The following PTGFR variants were observed in gnomAD, a reference collection of about 807,000 sequenced individuals.
PTGFR encodes prostaglandin F receptor, also known as prostaglandin F2-alpha receptor.
PTGFR carries 15 observed loss-of-function variants against 26.2 expected under a neutral mutation model. The observed-to-expected ratio is 0.57, with a 90% CI of 0.38 to 0.88. PTGFR has a LOEUF of 0.88. PTGFR is among the 40% of genes least tolerant of loss of function. The pLI is 0.00. For synonymous variants in PTGFR, 165 were observed against 151.1 expected, an observed-to-expected ratio of 1.09 and a Z score of -0.68; for missense variants, 369 against 427.2, an observed-to-expected ratio of 0.86 and a Z score of 1.20.
chr1:78,520,155 G>T (rs925081742), intron 2 of PTGFR, among the ~76,000 whole-genome samples: 18 of 151,986 alleles, frequency 1.2e-4, no homozygotes, highest in African/African-American at 4.3e-4. Flanking sequence ...TCTGAGATAG[G>T]GGGTTTTGGA....
In PTGFR at chr1:78,540,104, G is replaced by A. The variant is rs1027328957; in HGVS notation, c.*3417G>A. On this transcript the variant is annotated 3_prime_UTR_variant, in exon 3 of 3. Coordinates refer to ENST00000370757, the MANE Select transcript of PTGFR (RefSeq NM_000959.4). The stretch of plus-strand genomic sequence containing the variant: ...TGGTTCCTGTCCACTCTGAAGGGGA[G>A]CTCTGCTGTTGTAATCACTCAGAGA... Among the ~76,000 whole-genome samples the A allele has an allele frequency of 6.6e-6, 1 of 152,166 alleles. No individual in the cohort carries two copies. The highest frequency in any genetic ancestry group is 1.5e-5 in the Non-Finnish European group (1 of 67,992).
In PTGFR at chr1:78,493,476, T is replaced by G. The variant is rs116532636; in HGVS notation, c.733T>G (p.Leu245Val). The G allele has an allele frequency of 1.9e-6, 3 of 1,592,532 alleles. No individual in the cohort carries two copies. The highest frequency in any genetic ancestry group is 1.7e-6 in the Non-Finnish European group (2 of 1,169,660). Reference protein sequence around the residue: ...QQHRQGRSHHLEMVIQLLAIM... With the variant: ...QQHRQGRSHHVEMVIQLLAIM... Reference sequence around the variant, plus strand: ...GCACAGACAAGGCAGATCTCATCATTTGGAAATGGTAATCCAGCTCCTGGC... The same window carrying G: ...GCACAGACAAGGCAGATCTCATCATGTGGAAATGGTAATCCAGCTCCTGGC... Residue 245 changes from leucine to valine, a missense_variant, in exon 2 of 3, where the codon TTG becomes GTG. Coordinates refer to ENST00000370757, the MANE Select transcript of PTGFR (RefSeq NM_000959.4).
intron 2 of PTGFR, among the ~76,000 whole-genome samples, chr1:78,503,917 G>T (rs903364713): frequency 1.3e-5 from 2 of 152,134 alleles, no homozygotes; most frequent in Non-Finnish European, 2.9e-5. Context: ...TTGCATTTAT[G>T]ACCGTGGCTG....
chr1:78,536,970 T>C lies in PTGFR; in HGVS notation c.*283T>C, dbSNP rs1267480184. 2.7e-6 allele frequency: 1 copy of C among 372,168 alleles called. No individual in the cohort carries two copies. Among genetic ancestry groups the C allele is most frequent in the Non-Finnish European group, 4.8e-6 (1 of 206,226 alleles). 23.1% of individuals were successfully genotyped at this position (372,168 alleles called of 1,614,324 possible). The stretch of plus-strand genomic sequence containing the variant: ...TTATCTGTCTTATTTATGCTTTGAG[T>C]GAATCATCTGTTGAGGTCTAATGCC... On this transcript the variant is annotated 3_prime_UTR_variant, in exon 3 of 3. Coordinates refer to ENST00000370757, the MANE Select transcript of PTGFR (RefSeq NM_000959.4).
chr1:78,498,857 T>G (rs34490913), intron 2 of PTGFR, among the ~76,000 whole-genome samples: 35,270 of 152,110 alleles, frequency 0.23, 4,313 homozygotes, highest in African/African-American at 0.29. Context: ...TTGTGAAGCG[T>G]GAGTGTCCCT....
At chr1:78,524,844 A>T (rs1051179332) in intron 2 of PTGFR, among the ~76,000 whole-genome samples, 6 of 149,980 alleles carry the variant, frequency 4.0e-5, no homozygotes, top group Non-Finnish European at 8.9e-5. Context: ...TTTTTCTTAT[A>T]CCAATCAGAG....
rs539979384 is a variant in PTGFR at position 78,528,262 on chromosome 1, G to T, written c.799-8144G>T. 4.1e-5 allele frequency among the ~76,000 whole-genome samples: 4 copies of T among 97,220 alleles called. No homozygotes were observed. The South Asian group carries it at 1.4e-3, about 34-fold the overall frequency. The allele number at this position is 97,220 out of a possible 152,430, so 63.8% of individuals were successfully genotyped here. A position where few individuals can be genotyped will look rare whatever the true frequency, so the allele number is the denominator to read the frequency against. ...GGTATGCTGAAGAAAAATTAAAAGTGTAACTCCAGAGAAGTAAGTTCAGAA... is the reference window on the plus strand; with the variant it reads ...GGTATGCTGAAGAAAAATTAAAAGTTTAACTCCAGAGAAGTAAGTTCAGAA... On this transcript the variant is annotated intron_variant, in intron 2 of 2. Transcript: ENST00000370757.
chr1:78,505,587 A>G (rs1344552912), intron 2 of PTGFR, among the ~76,000 whole-genome samples: 1 of 152,194 alleles, frequency 6.6e-6, no homozygotes, highest in Non-Finnish European at 1.5e-5. Flanking sequence ...AAAGTGTACA[A>G]TTCCTGACAC....
At chr1:78,518,745 A>G (rs1177432418) in intron 2 of PTGFR, among the ~76,000 whole-genome samples, 5 of 152,010 alleles carry the variant, frequency 3.3e-5, no homozygotes, top group Admixed American at 2.0e-4. Context: ...TTCATGATTG[A>G]TTTTAATATC....
At chr1:78,536,180 C>G (rs567371822) in intron 2 of PTGFR, among the ~76,000 whole-genome samples, 1 of 152,160 alleles carries the variant, frequency 6.6e-6, no homozygotes, top group South Asian at 2.1e-4. Context: ...ATTTGACTTA[C>G]TATAGAAGTT....
chr1:78,509,705 A>G (rs528648762), intron 2 of PTGFR, among the ~76,000 whole-genome samples: 1 of 152,212 alleles, frequency 6.6e-6, no homozygotes, highest in Non-Finnish European at 1.5e-5. Context: ...ATTGCATGCT[A>G]TTGACTTTCT....
chr1:78,492,071 C>T (rs1475789259), intron 1 of PTGFR, among the ~76,000 whole-genome samples: 2 of 152,216 alleles, frequency 1.3e-5, no homozygotes, highest in Non-Finnish European at 2.9e-5. Flanking sequence ...AGAGACTCAC[C>T]ACTCTGCTTT....
intron 2 of PTGFR, among the ~76,000 whole-genome samples, chr1:78,498,661 T>C (rs778697859): frequency 1.3e-5 from 2 of 152,102 alleles, no homozygotes; most frequent in Non-Finnish European, 2.9e-5. Flanking sequence ...AATATACCCA[T>C]GCAACAAACC....
Position 78,492,983 on chromosome 1 carries a change from C to T in PTGFR, c.240C>T (p.Gly80=). The change falls in exon 2 of 3, where the codon GGC becomes GGT. Residue 80 remains glycine (G), a synonymous_variant. Coordinates refer to ENST00000370757, the MANE Select transcript of PTGFR (RefSeq NM_000959.4). ...ASGLVITDFF[G]HLINGAIAVF... is the part of the protein sequence containing the mutation. ...GCCTGGTAATCACTGATTTCTTTGG[C>T]CATCTCATCAATGGAGCCATAGCAG... The T allele has an allele frequency of 6.2e-7, 1 of 1,614,178 alleles. No individual in the cohort carries two copies. The highest frequency in any genetic ancestry group is 8.5e-7 in the Non-Finnish European group (1 of 1,180,024).
rs114426343 is a variant in PTGFR, at chr1:78,503,036, C to A, written c.798+9495C>A. Among the ~76,000 whole-genome samples the A allele has an allele frequency of 5.5e-3, 831 of 151,948 alleles. 9 individuals are homozygous for A. The highest frequency in any genetic ancestry group is 0.019 in the African/African-American group (801 of 41,426). Reference sequence around the variant, plus strand: ...AAAAATTACTGGAAATAAATGTAATCGAAAGTCAATTAATGTAAGCTGTAA... The same window carrying A: ...AAAAATTACTGGAAATAAATGTAATAGAAAGTCAATTAATGTAAGCTGTAA... On this transcript the variant is annotated intron_variant, in intron 2 of 2. Transcript: ENST00000370757.
In PTGFR at chr1:78,537,367, T is replaced by G. The variant is rs1570306163; in HGVS notation, c.*680T>G. 6.6e-6 allele frequency: 1 copy of G among 152,126 alleles called. No homozygotes were observed. 9.4% of individuals were successfully genotyped at this position (152,126 alleles called of 1,614,324 possible). On this transcript the variant is annotated 3_prime_UTR_variant, in exon 3 of 3. Transcript: ENST00000370757. ...GGAAGTGTTTTTTCATGTCATAGAT[T>G]AGCAATTTTCAAATAATTATTTTTT...
At chr1:78,501,844 T>G (rs1649714113) in intron 2 of PTGFR, among the ~76,000 whole-genome samples, 1 of 152,172 alleles carries the variant, frequency 6.6e-6, no homozygotes, top group African/African-American at 2.4e-5. Flanking sequence ...TAAACTCAGA[T>G]GTACTATCAG....
intron 2 of PTGFR, among the ~76,000 whole-genome samples, chr1:78,521,197 A>C (rs1650213269): frequency 1.3e-5 from 2 of 152,140 alleles, no homozygotes; most frequent in Admixed American, 1.3e-4. Flanking sequence ...AAGGAATTAC[A>C]TTCCTTTTCC....
intron 1 of PTGFR, among the ~76,000 whole-genome samples, chr1:78,492,253 G>T (rs2100342865): frequency 6.6e-6 from 1 of 152,290 alleles, no homozygotes; most frequent in African/African-American, 2.4e-5. Flanking sequence ...TGCAGTTTGG[G>T]GGCAAAGCCC....
Sources: allele counts gnomAD v4.1 joint callset (sites outside exome capture counted in the v4.1 genomes callset), GRCh38; gene constraint gnomAD v4.1.1; transcripts MANE v1.5; gene names NCBI Gene and HGNC (gene_info 2026-07-23, HGNC 2026-07-21).